LANCL1: variants seen among roughly 807,000 people sequenced by gnomAD.
The protein encoded by LANCL1 is LanC like glutathione S-transferase 1, also known as glutathione S-transferase LANCL1.
A neutral mutation model predicts 50.6 loss-of-function variants in LANCL1; 50 were observed. The ratio of observed to expected loss-of-function variants is 0.99; its 90% confidence interval spans 0.79 to 1.25. The LOEUF is 1.25. Ranked by LOEUF, LANCL1 falls within the 50% of genes most tolerant of loss-of-function variation. The pLI is 0.00. For missense variants in LANCL1, 532 were observed against 480.7 expected, an observed-to-expected ratio of 1.11 and a Z score of -1.00; for synonymous variants, 188 against 178.6, an observed-to-expected ratio of 1.05 and a Z score of -0.42.
intron 4 of LANCL1, among the ~76,000 whole-genome samples, chr2:210,452,048 T>C (rs1025070714): frequency 2.6e-5 from 4 of 152,164 alleles, no homozygotes; most frequent in Non-Finnish European, 5.9e-5. Flanking sequence ...AATTACTTTT[T>C]AATGGGTACA....
At chr2:210,440,271 A>G (rs2105889787) in intron 6 of LANCL1, among the ~76,000 whole-genome samples, 1 of 152,342 alleles carries the variant, frequency 6.6e-6, no homozygotes, top group South Asian at 2.1e-4. Flanking sequence ...AATTCAAAGC[A>G]CTGGCTGAAA....
intron 4 of LANCL1, 81 bp from the exon 5 acceptor site, chr2:210,441,524 A>C: frequency 8.8e-7 from 1 of 1,142,852 alleles, no homozygotes. Flanking sequence ...CATTGAAAAA[A>C]ATATACATGC....
intron 6 of LANCL1, 48 bp from the exon 7 acceptor site, chr2:210,437,920 T>G (rs552652125): frequency 2.6e-5 from 35 of 1,347,844 alleles, no homozygotes; most frequent in Non-Finnish European, 3.4e-5. Context: ...AAATAAACCT[T>G]CCTAGGTCTC....
Position 210,449,166 on chromosome 2 carries a change from G to C in LANCL1, c.407+5941C>G, listed in dbSNP as rs530248754. Among the ~76,000 whole-genome samples, 94 of 152,278 alleles carry C rather than the reference G, an allele frequency of 6.2e-4. 2 individuals are homozygous for C. Among genetic ancestry groups the C allele is most frequent in the African/African-American group, 2.1e-3 (88 of 41,568 alleles). On this transcript the variant is annotated intron_variant, in intron 4 of 9. Transcript: ENST00000450366. ...AAGCTTATCCACCATGATCAAGTCA[G>C]CTTCATCCCTGGGATGCAAGGCTGG...
Position 210,434,577 on chromosome 2 carries a change from A to G in LANCL1, c.1124-14T>C, listed in dbSNP as rs1392040476. 1.9e-6 allele frequency: 3 copies of G among 1,602,574 alleles called. No individual in the cohort carries two copies. The African/African-American group carries it at 4.0e-5, about 21-fold the overall frequency. ...TTCCAGCCATTCCTGAAGAAAGAGA[A>G]AGAGGCAAAAGTTATTATACCAAAT... On this transcript the variant is annotated splice_polypyrimidine_tract_variant and intron_variant, in intron 9 of 9. Transcript: ENST00000450366.
intron 6 of LANCL1, 146 bp from the exon 7 acceptor site, chr2:210,438,018 T>C (rs1692995537): frequency 9.8e-6 from 5 of 511,810 alleles, no homozygotes; most frequent in East Asian, 3.2e-5. Flanking sequence ...TTTCCACCTA[T>C]TGGATGCCTT....
chr2:210,437,402 T>C (rs1316456818), intron 7 of LANCL1, among the ~76,000 whole-genome samples: 5 of 152,190 alleles, frequency 3.3e-5, no homozygotes, highest in Non-Finnish European at 5.9e-5. Flanking sequence ...TATGAATGCT[T>C]GGTTTTGGTT....
intron 6 of LANCL1, among the ~76,000 whole-genome samples, chr2:210,439,379 C>T (rs1315562880): frequency 2.0e-5 from 3 of 152,134 alleles, no homozygotes; most frequent in Non-Finnish European, 4.4e-5. Flanking sequence ...ACTATGTCTC[C>T]TGATTATTTG....
chr2:210,449,968 T>C (rs944370310), intron 4 of LANCL1, among the ~76,000 whole-genome samples: 5 of 152,192 alleles, frequency 3.3e-5, no homozygotes, highest in African/African-American at 1.2e-4. Context: ...CCACTGACTT[T>C]CTTCACAGAA....
intron 4 of LANCL1, among the ~76,000 whole-genome samples, chr2:210,448,974 GA>G (rs1212211461): frequency 6.6e-6 from 1 of 151,578 alleles, no homozygotes; most frequent in Non-Finnish European, 1.5e-5. Flanking sequence ...CAAACAACAG[GA>G]AAAAAGGGAC....
At chr2:210,460,338 T>A (rs1396953) in intron 3 of LANCL1, 1 of 152,136 alleles carries the variant, frequency 6.6e-6, no homozygotes, top group Admixed American at 6.6e-5. Flanking sequence ...TAACTAACAC[T>A]CATTAGTTTA....
chr2:210,448,395 A>G (rs937835202), intron 4 of LANCL1, among the ~76,000 whole-genome samples: 1 of 152,242 alleles, frequency 6.6e-6, no homozygotes, highest in East Asian at 1.9e-4. Flanking sequence ...CACAAGAGAA[A>G]GAAGGAAAGA....
intron 2 of LANCL1, among the ~76,000 whole-genome samples, chr2:210,472,903 A>C (rs542947863): frequency 6.6e-6 from 1 of 152,340 alleles, no homozygotes; most frequent in Non-Finnish European, 1.5e-5. Context: ...TAAGGCAAGT[A>C]ATAGTTTAGA....
chr2:210,462,741 G>A (rs1693903257), intron 3 of LANCL1, among the ~76,000 whole-genome samples: 1 of 152,096 alleles, frequency 6.6e-6, no homozygotes, highest in South Asian at 2.1e-4. Flanking sequence ...TCTTCTCAGG[G>A]TTTATGTCCA....
intron 4 of LANCL1, 34 bp downstream of exon 4, chr2:210,455,073 C>A: frequency 6.5e-7 from 1 of 1,546,796 alleles, no homozygotes. Flanking sequence ...CATAATGATG[C>A]TAGAAAATAA....
In LANCL1 at chr2:210,432,077, A is replaced by G. The variant is rs916844553; in HGVS notation, c.*2410T>C. The G allele has an allele frequency of 6.6e-6, 1 of 152,198 alleles. No individual in the cohort carries two copies. The highest frequency in any genetic ancestry group is 6.5e-5 in the Admixed American group (1 of 15,276). The allele number at this position is 152,198 out of a possible 1,614,324, so 9.4% of individuals were successfully genotyped here. ...AAGAAGAAAAATATCTGAGAGAAAA[A>G]TACAAACTAGAACTGAAACAATGAT... is the stretch of plus-strand genomic sequence containing the variant. On this transcript the variant is annotated 3_prime_UTR_variant, in exon 10 of 10. Coordinates refer to ENST00000450366, the MANE Select transcript of LANCL1 (RefSeq NM_006055.3).
At chr2:210,442,777 T>C (rs979343026) in intron 4 of LANCL1, 2 of 152,218 alleles carry the variant, frequency 1.3e-5, no homozygotes, top group African/African-American at 2.4e-5. Context: ...TAGGCACAAG[T>C]AGGCTTATAG....
At chr2:210,445,623 TAAA>T (rs1693298891) in intron 4 of LANCL1, among the ~76,000 whole-genome samples, 1 of 152,128 alleles carries the variant, frequency 6.6e-6, no homozygotes, top group Admixed American at 6.5e-5. Flanking sequence ...GATATAAAAA[TAAA>T]GAAATGATAT....
intron 4 of LANCL1, among the ~76,000 whole-genome samples, chr2:210,452,945 A>G (rs1693553816): frequency 6.6e-6 from 1 of 152,200 alleles, no homozygotes; most frequent in African/African-American, 2.4e-5. Context: ...GGTTTACTAA[A>G]TAACTTATAT....
Sources: allele counts gnomAD v4.1 joint callset (sites outside exome capture counted in the v4.1 genomes callset), GRCh38; gene constraint gnomAD v4.1.1; transcripts MANE v1.5; gene names NCBI Gene and HGNC (gene_info 2026-07-23, HGNC 2026-07-21).